HDAC9: variants seen among roughly 807,000 people sequenced by gnomAD.
HDAC9 encodes histone deacetylase 9.
HDAC9 carries 41 observed loss-of-function variants against 139.4 expected under a neutral mutation model. The observed-to-expected ratio is 0.29, with a 90% CI of 0.23 to 0.38. The LOEUF (loss-of-function observed/expected upper bound fraction) is 0.38. Among genes scored for constraint, HDAC9 ranks in the 10% least tolerant of loss-of-function variants. The pLI is 1.00. For missense variants in HDAC9, 1,147 were observed against 1,297.0 expected (o/e 0.88, Z 1.78); for synonymous variants, 517 against 476.2 (o/e 1.09, Z -1.12).
At chr7:18,426,942 G>T (rs1337926283) in intron 1 of HDAC9, among the ~76,000 whole-genome samples, 1 of 152,130 alleles carries the variant, frequency 6.6e-6, no homozygotes, top group African/African-American at 2.4e-5. Flanking sequence ...ACTTTCAGGG[G>T]CTGTTTTCTT....
At chr7:18,104,846 A>G (rs1183282357) in intron 1 of HDAC9, among the ~76,000 whole-genome samples, 1 of 152,094 alleles carries the variant, frequency 6.6e-6, no homozygotes, top group Non-Finnish European at 1.5e-5. Flanking sequence ...CACAGAATTC[A>G]AAGTAATTTA....
At chr7:18,974,008 G>A (rs772955430) in intron 24 of HDAC9, among the ~76,000 whole-genome samples, 2 of 152,148 alleles carry the variant, frequency 1.3e-5, no homozygotes, top group Non-Finnish European at 2.9e-5. Flanking sequence ...TCATTCAAGA[G>A]TGTGTATTAA....
chr7:18,721,513 C>T (rs1157977464), intron 12 of HDAC9, among the ~76,000 whole-genome samples: 1 of 152,028 alleles, frequency 6.6e-6, no homozygotes, highest in Non-Finnish European at 1.5e-5. Flanking sequence ...AATTTACTCT[C>T]CTCCAAGTAG....
rs75097095 is a variant in HDAC9, at chr7:18,818,335, G to C, written c.2323-10826G>C. Among the ~76,000 whole-genome samples, 935 of 152,150 alleles carry C rather than the reference G, an allele frequency of 6.1e-3. 6 individuals carry two copies. The highest frequency in any genetic ancestry group is 8.8e-3 in the Non-Finnish European group (600 of 67,976). ...GGTCTGATATGCTCAATTAGTTTTT[G>C]GATAGTAGGCAGTTATATTATACAT... On this transcript the variant is annotated intron_variant, in intron 17 of 25. Coordinates refer to ENST00000686413, the MANE Select transcript of HDAC9 (RefSeq NM_178425.4).
chr7:18,437,842 A>G (rs1364497778), intron 1 of HDAC9, among the ~76,000 whole-genome samples: 1 of 151,286 alleles, frequency 6.6e-6, no homozygotes, highest in Non-Finnish European at 1.5e-5. Flanking sequence ...AGGATTATAG[A>G]ATTAAAAATT....
At chr7:18,592,906 C>T (rs1831393899) in intron 5 of HDAC9, among the ~76,000 whole-genome samples, 1 of 152,074 alleles carries the variant, frequency 6.6e-6, no homozygotes, top group Non-Finnish European at 1.5e-5. Context: ...AAGATAATAG[C>T]ATTAAATGAG....
chr7:18,309,778 A>G (rs934688792), intron 1 of HDAC9, among the ~76,000 whole-genome samples: 1 of 152,194 alleles, frequency 6.6e-6, no homozygotes. Context: ...TAGATTTTAA[A>G]ACTGACTTGG....
chr7:18,803,226 C>A (rs1296133564), intron 17 of HDAC9, among the ~76,000 whole-genome samples: 1 of 151,682 alleles, frequency 6.6e-6, no homozygotes, highest in Non-Finnish European at 1.5e-5. Flanking sequence ...TTTTTCCCAC[C>A]AACAATACAA....
At chr7:18,653,977 C>A (rs902603164) in intron 11 of HDAC9, among the ~76,000 whole-genome samples, 12 of 152,054 alleles carry the variant, frequency 7.9e-5, no homozygotes, top group African/African-American at 2.9e-4. Context: ...ACAAACATAG[C>A]ATGCATGCCT....
intron 2 of HDAC9, among the ~76,000 whole-genome samples, chr7:18,172,918 G>A (rs1788563954): frequency 6.6e-6 from 1 of 152,228 alleles, no homozygotes; most frequent in Non-Finnish European, 1.5e-5. Context: ...TGAGAAGAAT[G>A]TATATTCTGT....
At chr7:18,338,649 T>C (rs769133986) in intron 1 of HDAC9, among the ~76,000 whole-genome samples, 1 of 151,616 alleles carries the variant, frequency 6.6e-6, no homozygotes, top group Non-Finnish European at 1.5e-5. Flanking sequence ...GGATAAATCC[T>C]ACTTGGTCAA....
At chr7:18,995,775 A>G (rs554964361) in intron 25 of HDAC9, among the ~76,000 whole-genome samples, 21 of 152,340 alleles carry the variant, frequency 1.4e-4, no homozygotes, top group African/African-American at 5.0e-4. Flanking sequence ...TTTGGAATCT[A>G]GAGTTATAAA....
intron 1 of HDAC9, among the ~76,000 whole-genome samples, chr7:18,298,401 G>C (rs961860374): frequency 7.3e-5 from 11 of 151,702 alleles, no homozygotes; most frequent in Non-Finnish European, 1.5e-4. Flanking sequence ...TCGTCATCTA[G>C]CATTAGGTAT....
chr7:18,532,456 T>C (rs1420050763), intron 2 of HDAC9, among the ~76,000 whole-genome samples: 2 of 152,194 alleles, frequency 1.3e-5, no homozygotes, highest in Non-Finnish European at 2.9e-5. Flanking sequence ...TAATTATTCA[T>C]TTAAAATATA....
Position 18,732,690 on chromosome 7 carries a change from C to CACACACGTATGTGTGCGTATGTGT in HDAC9, c.1909+4939_1909+4940insGTATGTGTGCGTATGTGTACACAC, listed in dbSNP as rs1562892109. Reference sequence around the variant, plus strand: ...GTGTATATGTGTGCGTATGTGTACACACACACACGTGTATGTGTGCGTATG... The same window carrying CACACACGTATGTGTGCGTATGTGT: ...GTGTATATGTGTGCGTATGTGTACACACACACGTATGTGTGCGTATGTGTACACACACGTGTATGTGTGCGTATG... On this transcript the variant is annotated intron_variant, in intron 13 of 25. Transcript: ENST00000686413. Among the ~76,000 whole-genome samples, 9 of 128,408 alleles carry CACACACGTATGTGTGCGTATGTGT rather than the reference C, an allele frequency of 7.0e-5. 1 individual carries two copies. The highest frequency in any genetic ancestry group is 1.8e-4 in the African/African-American group (5 of 28,000). 84.2% of individuals were successfully genotyped at this position (128,408 alleles called of 152,430 possible).
At chr7:18,653,064 C>T (rs755362745) in intron 11 of HDAC9, among the ~76,000 whole-genome samples, 8 of 151,832 alleles carry the variant, frequency 5.3e-5, no homozygotes, top group Non-Finnish European at 1.2e-4. Flanking sequence ...TGGAGAAACC[C>T]CGTCTCTACT....
intron 13 of HDAC9, 36 bp downstream of exon 13, chr7:18,727,793 C>G (rs1554337840): frequency 7.2e-7 from 1 of 1,383,574 alleles, no homozygotes; most frequent in Non-Finnish European, 9.6e-7. Flanking sequence ...AATAGGCAGG[C>G]TAAATGCCCC....
At position 18,392,805 on chromosome 7, in the gene HDAC9, G is replaced by T. The variant is rs146545622; in HGVS notation, c.-42+102290G>T. Among the ~76,000 whole-genome samples, 6 of 151,626 alleles carry T rather than the reference G, an allele frequency of 4.0e-5. No homozygotes were observed. The East Asian group carries it at 1.2e-3, about 29-fold the overall frequency. On this transcript the variant is annotated intron_variant, in intron 1 of 3. Coordinates refer to the HDAC9 transcript ENST00000413509. ...TTTAGACTAGAAAGAACCAGCGAGG[G>T]CTAAGGGAAGCAGCTGAATATACTT...
intron 2 of HDAC9, among the ~76,000 whole-genome samples, chr7:18,204,836 T>C (rs1791382848): frequency 6.6e-6 from 1 of 152,034 alleles, no homozygotes; most frequent in Non-Finnish European, 1.5e-5. Context: ...CAATATGTTG[T>C]TTTTTTATTT....
Sources: allele counts gnomAD v4.1 joint callset (sites outside exome capture counted in the v4.1 genomes callset), GRCh38; gene constraint gnomAD v4.1.1; transcripts MANE v1.5; gene names NCBI Gene and HGNC (gene_info 2026-07-23, HGNC 2026-07-21).